Variants in HHAT observed in about 807,000 individuals in gnomAD.
The protein encoded by HHAT is hedgehog acyltransferase.
HHAT carries 47 observed loss-of-function variants against 70.8 expected under a neutral mutation model. That is an observed-to-expected ratio of 0.66 (90% CI 0.53 to 0.85). The LOEUF is 0.85. HHAT is among the 40% of genes least tolerant of loss of function. The pLI is 0.00. For synonymous variants in HHAT, 228 were observed against 247.6 expected, an observed-to-expected ratio of 0.92 and a Z score of 0.74; for missense variants, 609 against 604.8, an observed-to-expected ratio of 1.01 and a Z score of -0.07.
At chr1:210,389,472 G>A (rs769718196) in intron 4 of HHAT, among the ~76,000 whole-genome samples, 7 of 152,152 alleles carry the variant, frequency 4.6e-5, no homozygotes, top group Admixed American at 6.5e-5. Context: ...TAATCCCCAC[G>A]TCTTGCAGGA....
intron 8 of HHAT, among the ~76,000 whole-genome samples, chr1:210,504,023 T>C (rs930772038): frequency 3.3e-5 from 5 of 152,160 alleles, no homozygotes; most frequent in Non-Finnish European, 7.3e-5. Flanking sequence ...ATCAATCAAT[T>C]GGATTTTTGA....
At chr1:210,591,339 A>C (rs1038982869) in intron 10 of HHAT, among the ~76,000 whole-genome samples, 1 of 152,020 alleles carries the variant, frequency 6.6e-6, no homozygotes, top group Non-Finnish European at 1.5e-5. Context: ...ATTTCCCTTA[A>C]TTACTTCCAG....
chr1:210,604,648 T>C (rs1665015546), intron 10 of HHAT, among the ~76,000 whole-genome samples: 1 of 152,114 alleles, frequency 6.6e-6, no homozygotes, highest in Non-Finnish European at 1.5e-5. Flanking sequence ...CTAAAAATTA[T>C]TGAGAGAGAG....
In HHAT at chr1:210,329,015, C is replaced by A; in HGVS notation, c.-133C>A. On this transcript the variant is annotated 5_prime_UTR_variant, in exon 1 of 12. An upstream open reading frame in the 5' UTR gains an earlier in-frame stop. Transcript: ENST00000261458. ...GGAAGCCCGCAGCCGCCGCCGATGTCGCTGGGACTCGGAAGTGCCGAAAGA... is the reference window on the plus strand; with the variant it reads ...GGAAGCCCGCAGCCGCCGCCGATGTAGCTGGGACTCGGAAGTGCCGAAAGA... 2 of 1,396,402 alleles carry A rather than the reference C, an allele frequency of 1.4e-6. No homozygotes were observed. The highest frequency in any genetic ancestry group is 1.8e-4 in the Middle Eastern group (1 of 5,420). The allele number at this position is 1,396,402 out of a possible 1,614,324, so 86.5% of individuals were successfully genotyped here. A position where few individuals can be genotyped will look rare whatever the true frequency, so the allele number is the denominator to read the frequency against.
intron 11 of HHAT, among the ~76,000 whole-genome samples, chr1:210,644,671 G>A (rs1460349364): frequency 2.6e-5 from 4 of 151,736 alleles, no homozygotes; most frequent in Non-Finnish European, 4.4e-5. Flanking sequence ...TCTAAAAGGG[G>A]ATCCTTGGCA....
At chr1:210,556,300 C>T (rs1362746500) in intron 9 of HHAT, among the ~76,000 whole-genome samples, 1 of 152,130 alleles carries the variant, frequency 6.6e-6, no homozygotes, top group Non-Finnish European at 1.5e-5. Flanking sequence ...CAGAACCTTC[C>T]ATCATTTGAG....
At chr1:210,347,210 T>A (rs1353043455) in intron 1 of HHAT, among the ~76,000 whole-genome samples, 1 of 152,178 alleles carries the variant, frequency 6.6e-6, no homozygotes, top group Non-Finnish European at 1.5e-5. Flanking sequence ...TGAGTTTGAC[T>A]TTTTTTAGGT....
At chr1:210,536,860 T>G (rs148748362) in intron 9 of HHAT, among the ~76,000 whole-genome samples, 9 of 145,574 alleles carry the variant, frequency 6.2e-5, no homozygotes, top group Non-Finnish European at 1.4e-4. Context: ...GTCTCGGGCC[T>G]CTGTCTGCTA....
At chr1:210,402,504 G>A (rs2092127534) in intron 5 of HHAT, among the ~76,000 whole-genome samples, 1 of 152,140 alleles carries the variant, frequency 6.6e-6, no homozygotes, top group Non-Finnish European at 1.5e-5. Context: ...TCAAAGTACA[G>A]CTTAGACCTC....
chr1:210,505,245 G>A (rs1220987264), intron 8 of HHAT, among the ~76,000 whole-genome samples: 1 of 152,128 alleles, frequency 6.6e-6, no homozygotes, highest in African/African-American at 2.4e-5. Context: ...TAGGTTAACA[G>A]ATGGAGCTGA....
chr1:210,640,679 C>T (rs1672814053), intron 11 of HHAT, among the ~76,000 whole-genome samples: 1 of 151,928 alleles, frequency 6.6e-6, no homozygotes, highest in Non-Finnish European at 1.5e-5. Context: ...CCCACTGCCC[C>T]CCACACACGC....
intron 8 of HHAT, among the ~76,000 whole-genome samples, chr1:210,475,505 T>TA (rs1174185253): frequency 6.6e-6 from 1 of 152,232 alleles, no homozygotes; most frequent in Non-Finnish European, 1.5e-5. Flanking sequence ...ATTGGGTTTT[T>TA]ACCTCCACCT....
chr1:210,508,781 T>A (rs371403821), intron 8 of HHAT, among the ~76,000 whole-genome samples: 1 of 152,374 alleles, frequency 6.6e-6, no homozygotes, highest in East Asian at 1.9e-4. Context: ...ATCCGAGTTA[T>A]AGAAATTAGA....
chr1:210,509,078 C>A (rs2094910895), intron 8 of HHAT, among the ~76,000 whole-genome samples: 1 of 152,134 alleles, frequency 6.6e-6, no homozygotes, highest in African/African-American at 2.4e-5. Flanking sequence ...TGGGTTTTGT[C>A]ATTACTGTCA....
chr1:210,410,267 A>G (rs2092486323), intron 6 of HHAT, among the ~76,000 whole-genome samples: 1 of 151,566 alleles, frequency 6.6e-6, no homozygotes, highest in Non-Finnish European at 1.5e-5. Context: ...CGTGTTAGCC[A>G]GAATGGTCTC....
chr1:210,447,514 G>A (rs926542057), intron 7 of HHAT, among the ~76,000 whole-genome samples: 2 of 152,226 alleles, frequency 1.3e-5, no homozygotes, highest in African/African-American at 4.8e-5. Flanking sequence ...CAGAAAGGGA[G>A]TTGGTTTAGT....
chr1:210,389,885 T>C (rs2091338040), intron 4 of HHAT, among the ~76,000 whole-genome samples: 1 of 152,182 alleles, frequency 6.6e-6, no homozygotes, highest in Non-Finnish European at 1.5e-5. Context: ...ACATTGGGGA[T>C]TAAATTTCAG....
At chr1:210,347,322 C>G (rs779716676) in intron 1 of HHAT, among the ~76,000 whole-genome samples, 4 of 152,148 alleles carry the variant, frequency 2.6e-5, no homozygotes, top group Non-Finnish European at 5.9e-5. Context: ...AAATGCCTAC[C>G]TCCCCTGTTC....
chr1:210,503,887 G>T (rs895054215), intron 8 of HHAT, among the ~76,000 whole-genome samples: 3 of 152,170 alleles, frequency 2.0e-5, no homozygotes, highest in African/African-American at 7.2e-5. Flanking sequence ...ACTCAAAGTA[G>T]ATCATGAACT....
Sources: gnomAD v4.1 joint callset for allele counts (sites outside exome capture counted in the v4.1 genomes callset) on GRCh38, gnomAD v4.1.1 for gene constraint, MANE v1.5 for transcripts, NCBI Gene and HGNC (gene_info 2026-07-23, HGNC 2026-07-21) for gene names.